The following POLR3B variants were observed in gnomAD, a reference collection of about 807,000 sequenced individuals.
POLR3B encodes the protein DNA-directed RNA polymerase III subunit RPC2.
In POLR3B, 96 loss-of-function variants were observed where a neutral mutation model predicts 147.4. The observed-to-expected ratio is 0.65, with a 90% CI of 0.55 to 0.77. The LOEUF is 0.77. POLR3B is among the 30% of genes least tolerant of loss of function. The pLI, the probability that POLR3B is intolerant of heterozygous loss-of-function variation, is 0.00. For synonymous variants in POLR3B, 461 were observed against 485.9 expected, an observed-to-expected ratio of 0.95 and a Z score of 0.67; for missense variants, 1,036 against 1,413.5, an observed-to-expected ratio of 0.73 and a Z score of 4.28.
chr12:106,404,102 T>C (rs2037115326), intron 10 of POLR3B, among the ~76,000 whole-genome samples: 1 of 151,298 alleles, frequency 6.6e-6, no homozygotes, highest in Non-Finnish European at 1.5e-5. Context: ...TGTTTTTTTT[T>C]TTTTTTGAGA....
At chr12:106,383,293 T>C (rs775388328) in intron 9 of POLR3B, among the ~76,000 whole-genome samples, 2 of 152,188 alleles carry the variant, frequency 1.3e-5, no homozygotes, top group East Asian at 1.9e-4. Flanking sequence ...TTTCTTATCA[T>C]GTATATGTTC....
At chr12:106,427,905 A>G (rs903454675) in intron 13 of POLR3B, among the ~76,000 whole-genome samples, 6 of 152,322 alleles carry the variant, frequency 3.9e-5, no homozygotes, top group East Asian at 3.9e-4. Flanking sequence ...CATAACAACT[A>G]TAGGTCTATC....
At chr12:106,438,319 C>A (rs548979770) in intron 18 of POLR3B, among the ~76,000 whole-genome samples, 1 of 151,944 alleles carries the variant, frequency 6.6e-6, no homozygotes, top group African/African-American at 2.4e-5. Context: ...CAGAGCATAA[C>A]GCATCATTTA....
chr12:106,405,654 A>G (rs991125698), intron 10 of POLR3B, among the ~76,000 whole-genome samples: 2 of 152,052 alleles, frequency 1.3e-5, no homozygotes, highest in Non-Finnish European at 2.9e-5. Context: ...AGTAAGAGAA[A>G]AAAGGGAACC....
At chr12:106,440,170 A>G (rs1304760468) in intron 18 of POLR3B, among the ~76,000 whole-genome samples, 1 of 152,142 alleles carries the variant, frequency 6.6e-6, no homozygotes, top group Admixed American at 6.5e-5. Flanking sequence ...AAAACTGTCT[A>G]TTTCCGTCCT....
chr12:106,428,824 G>T (rs1023435845), intron 13 of POLR3B, among the ~76,000 whole-genome samples: 1 of 152,018 alleles, frequency 6.6e-6, no homozygotes, highest in Non-Finnish European at 1.5e-5. Flanking sequence ...TCTTTCCCAC[G>T]TTTCAGAAAC....
In POLR3B at chr12:106,501,262, G is replaced by A. The variant is rs2038595996; in HGVS notation, c.2985-61G>A. The stretch of plus-strand genomic sequence containing the variant: ...AGGACCTGCCAGTGATGGGTCCAAA[G>A]GCTGTCTCTTGTTAGCCCAAACTTA... On this transcript the variant is annotated intron_variant, in intron 25 of 27. Coordinates refer to ENST00000228347, the MANE Select transcript of POLR3B (RefSeq NM_018082.6). 4.0e-6 allele frequency: 4 copies of A among 1,001,698 alleles called. No individual in the cohort carries two copies. The Admixed American group carries it at 5.1e-5, about 13-fold the overall frequency. The allele number at this position is 1,001,698 out of a possible 1,614,324, so 62.1% of individuals were successfully genotyped here.
chr12:106,444,648 C>A, intron 19 of POLR3B, 58 bp downstream of exon 19: 2 of 1,561,124 alleles, frequency 1.3e-6, no homozygotes, highest in Non-Finnish European at 1.8e-6. Flanking sequence ...TTGGAAAAAG[C>A]CTTACATCTT....
chr12:106,471,587 G>C (rs1430037285), intron 23 of POLR3B, among the ~76,000 whole-genome samples: 1 of 151,930 alleles, frequency 6.6e-6, no homozygotes, highest in Non-Finnish European at 1.5e-5. Flanking sequence ...ATTCCTATTT[G>C]GCCATCTTGG....
In POLR3B at chr12:106,504,987, C is replaced by T. The variant is rs2038663364; in HGVS notation, c.3272+733C>T. Among the ~76,000 whole-genome samples, 1 of 152,048 alleles carries T rather than the reference C, an allele frequency of 6.6e-6. No individual in the cohort carries two copies. The highest frequency in any genetic ancestry group is 2.4e-5 in the African/African-American group (1 of 41,390). On this transcript the variant is annotated intron_variant, in intron 27 of 27. Transcript: ENST00000228347. The surrounding 1 kb of genome is among the most constrained non-coding windows in gnomAD (Gnocchi z 4.6). ...TACCCTCATTTCTCCAGCCTGGGAC[C>T]TGGTAGATGCTTCATAAAAAAATAC...
chr12:106,478,104 A>G (rs7968995), intron 23 of POLR3B, among the ~76,000 whole-genome samples: 2,447 of 151,520 alleles, frequency 0.016, 66 homozygotes, highest in African/African-American at 0.056. Context: ...ATGGAGTTTC[A>G]CCATATTGCC....
Position 106,376,342 on chromosome 12 carries a change from T to G in POLR3B, c.405-17T>G. ...ACAGCCTACATGTGATATTTTCTTT[T>G]GTTTTATTTTATACAGAATGCCCAT... On this transcript the variant is annotated splice_polypyrimidine_tract_variant and intron_variant, in intron 6 of 27. Coordinates refer to ENST00000228347, the MANE Select transcript of POLR3B (RefSeq NM_018082.6). The G allele has an allele frequency of 1.3e-6, 2 of 1,567,746 alleles. No homozygotes were observed. The highest frequency in any genetic ancestry group is 1.8e-6 in the Non-Finnish European group (2 of 1,140,864).
rs908824749 is a variant in POLR3B at position 106,509,679 on chromosome 12, A to C, written c.*130A>C. On this transcript the variant is annotated 3_prime_UTR_variant, in exon 28 of 28. Coordinates refer to ENST00000228347, the MANE Select transcript of POLR3B (RefSeq NM_018082.6). ...TATTCTCTCTCTAAAACAACCAAAAAAAAATGGAGAGGCTTTTTATATACT... is the reference window on the plus strand; with the variant it reads ...TATTCTCTCTCTAAAACAACCAAAACAAAATGGAGAGGCTTTTTATATACT... 1.2e-6 allele frequency: 1 copy of C among 819,202 alleles called. No homozygotes were observed. The highest frequency in any genetic ancestry group is 1.7e-5 in the African/African-American group (1 of 58,844). 50.7% of individuals were successfully genotyped at this position (819,202 alleles called of 1,614,324 possible).
chr12:106,504,298 T>TTAAA lies in POLR3B; in HGVS notation c.3272+46_3272+49dup. 6.6e-7 allele frequency: 1 copy of TTAAA among 1,504,470 alleles called. No individual in the cohort carries two copies. The highest frequency in any genetic ancestry group is 9.3e-7 in the Non-Finnish European group (1 of 1,079,794). The allele number at this position is 1,504,470 out of a possible 1,614,324, so 93.2% of individuals were successfully genotyped here. A position where few individuals can be genotyped will look rare whatever the true frequency, so the allele number is the denominator to read the frequency against. On this transcript the variant is annotated intron_variant, in intron 27 of 27. Coordinates refer to ENST00000228347, the MANE Select transcript of POLR3B (RefSeq NM_018082.6). This position sits in a 1 kb window ranked among gnomAD's most constrained non-coding sequence, Gnocchi z 4.6. The stretch of plus-strand genomic sequence containing the variant: ...TCTCCCATACCACACCCCTTGCCTC[T>TTAAA]TAAATCACAGCTCAAGAATTGACCC...
chr12:106,401,777 A>G (rs1018903110), intron 10 of POLR3B, among the ~76,000 whole-genome samples: 1 of 152,110 alleles, frequency 6.6e-6, no homozygotes, highest in African/African-American at 2.4e-5. Flanking sequence ...CATGCTAAAA[A>G]CTCTCAATAA....
At chr12:106,393,423 T>G (rs1422934485) in intron 10 of POLR3B, among the ~76,000 whole-genome samples, 2 of 149,492 alleles carry the variant, frequency 1.3e-5, no homozygotes, top group Non-Finnish European at 3.0e-5. Context: ...GGAAGTACTG[T>G]TTTTTTTTCC....
intron 23 of POLR3B, 142 bp from the exon 24 acceptor site, chr12:106,495,913 C>G: frequency 5.3e-6 from 4 of 756,294 alleles, no homozygotes; most frequent in Non-Finnish European, 9.7e-6. Flanking sequence ...TTGAAAATCA[C>G]TTTTGTTGCT....
chr12:106,358,715 C>T (rs778191001), intron 1 of POLR3B, among the ~76,000 whole-genome samples: 5 of 152,100 alleles, frequency 3.3e-5, no homozygotes, highest in Admixed American at 6.5e-5. Context: ...ACCTCCTCGG[C>T]AAGACCATTG....
chr12:106,424,619 A>AT (rs1406956676), intron 12 of POLR3B, among the ~76,000 whole-genome samples: 20 of 151,674 alleles, frequency 1.3e-4, no homozygotes, highest in Admixed American at 9.2e-4. Flanking sequence ...TGCTTGCTAG[A>AT]TTTTTTTTTA....
Sources: allele counts gnomAD v4.1 joint callset (sites outside exome capture counted in the v4.1 genomes callset), GRCh38; gene constraint gnomAD v4.1.1; non-coding constraint Gnocchi (gnomAD v3.1); transcripts MANE v1.5; gene names NCBI Gene and HGNC (gene_info 2026-07-23, HGNC 2026-07-21).